Variants in ULK4 observed in about 807,000 individuals in gnomAD.
The protein encoded by ULK4 is inactive serine/threonine-protein kinase ULK4.
In ULK4, 133 loss-of-function variants were observed where a neutral mutation model predicts 160.6. The ratio of observed to expected loss-of-function variants is 0.83; its 90% CI spans 0.72 to 0.96. ULK4 has a LOEUF of 0.96. Ranked by LOEUF, ULK4 falls within the 40% of genes least tolerant of loss-of-function variation. ULK4 has a pLI of 0.00. For synonymous variants in ULK4, 534 were observed against 539.8 expected (o/e 0.99, Z 0.15); for missense variants, 1,580 against 1,499.5 (o/e 1.05, Z -0.89).
chr3:41,678,764 AT>A (rs2035821857), intron 29 of ULK4, among the ~76,000 whole-genome samples: 1 of 152,232 alleles, frequency 6.6e-6, no homozygotes, highest in Non-Finnish European at 1.5e-5. Flanking sequence ...CATCAAAAGT[AT>A]TGTTTAAGGT....
chr3:41,671,519 T>C (rs758065114), intron 29 of ULK4, among the ~76,000 whole-genome samples: 1 of 152,080 alleles, frequency 6.6e-6, no homozygotes, highest in Non-Finnish European at 1.5e-5. Context: ...TAAATGGTGC[T>C]GAGAAAACTG....
intron 17 of ULK4, among the ~76,000 whole-genome samples, chr3:41,839,425 T>C (rs1186995310): frequency 2.0e-5 from 3 of 149,042 alleles, no homozygotes; most frequent in Admixed American, 6.7e-5. Context: ...AATATATACA[T>C]ATAATATATA....
At chr3:41,280,918 T>C (rs2079339173) in intron 35 of ULK4, among the ~76,000 whole-genome samples, 1 of 151,644 alleles carries the variant, frequency 6.6e-6, no homozygotes, top group Non-Finnish European at 1.5e-5. Flanking sequence ...GCAAGACTAA[T>C]AAAGAAGAAA....
intron 32 of ULK4, among the ~76,000 whole-genome samples, chr3:41,474,372 G>A (rs1470286740): frequency 6.6e-6 from 1 of 152,094 alleles, no homozygotes; most frequent in Non-Finnish European, 1.5e-5. Flanking sequence ...ATGGATTAAA[G>A]ACTCAGACAT....
chr3:41,682,158 A>C (rs1208727314), intron 27 of ULK4, among the ~76,000 whole-genome samples: 2 of 152,202 alleles, frequency 1.3e-5, no homozygotes, highest in Non-Finnish European at 2.9e-5. Flanking sequence ...ATCAAGTTTA[A>C]CCTAAACAAC....
At chr3:41,664,535 T>TA (rs1351805116) in intron 29 of ULK4, among the ~76,000 whole-genome samples, 1 of 152,144 alleles carries the variant, frequency 6.6e-6, no homozygotes, top group African/African-American at 2.4e-5. Context: ...GATGGTCATG[T>TA]AGGCAACCTC....
At chr3:41,536,019 C>T (rs763584653) in intron 32 of ULK4, among the ~76,000 whole-genome samples, 2 of 152,198 alleles carry the variant, frequency 1.3e-5, no homozygotes, top group African/African-American at 2.4e-5. Flanking sequence ...CCCCCTCTTC[C>T]CCTGCAGTCT....
At chr3:41,482,312 T>C (rs971853174) in intron 32 of ULK4, among the ~76,000 whole-genome samples, 3 of 152,286 alleles carry the variant, frequency 2.0e-5, no homozygotes, top group Non-Finnish European at 4.4e-5. Context: ...GAAAATGGCA[T>C]CCTTCTGAGA....
Position 41,398,117 on chromosome 3 carries a change from T to C in ULK4, c.3640A>G (p.Lys1214Glu), listed in dbSNP as rs1399198893. The change falls in exon 35 of 37, where the codon AAG becomes GAG. Residue 1214 changes from lysine to glutamate, a missense_variant. By Grantham distance (56) the Lys-to-Glu change is moderately conservative. Transcript: ENST00000301831. ...AHLLTSKEDP[K>E]EQKLLLRILR... is the part of the protein sequence containing the mutation. ...ATCCTTAACAGAAGCTTCTGCTCCT[T>C]TGGGTCCTCCTTGGATGTCAGTAAA... 6.2e-7 allele frequency: 1 copy of C among 1,613,330 alleles called. No individual in the cohort carries two copies. The highest frequency in any genetic ancestry group is 1.7e-5 in the Admixed American group (1 of 59,892).
chr3:41,711,219 G>A (rs1023889144), intron 25 of ULK4, among the ~76,000 whole-genome samples: 4 of 152,194 alleles, frequency 2.6e-5, no homozygotes, highest in African/African-American at 9.7e-5. Flanking sequence ...AAAGGCCAAT[G>A]ACCCAGAAAT....
At chr3:41,490,570 T>C (rs1197650797) in intron 32 of ULK4, among the ~76,000 whole-genome samples, 1 of 152,222 alleles carries the variant, frequency 6.6e-6, no homozygotes, top group Non-Finnish European at 1.5e-5. Flanking sequence ...AATATCATCA[T>C]ATACTGCTTT....
At chr3:41,724,451 G>A (rs571969399) in intron 22 of ULK4, among the ~76,000 whole-genome samples, 6 of 152,158 alleles carry the variant, frequency 3.9e-5, no homozygotes, top group Non-Finnish European at 8.8e-5. Flanking sequence ...TCAGCCAGGC[G>A]CGGTGGCTCA....
intron 27 of ULK4, among the ~76,000 whole-genome samples, chr3:41,695,923 A>G (rs1055375410): frequency 2.0e-5 from 3 of 152,184 alleles, no homozygotes; most frequent in Admixed American, 6.5e-5. Flanking sequence ...GGACATAGTG[A>G]GAAGTGACCA....
intron 31 of ULK4, among the ~76,000 whole-genome samples, chr3:41,590,461 C>CAAAAAAAAAAAAAAAAA (rs71075479): frequency 3.5e-5 from 2 of 56,876 alleles, no homozygotes; most frequent in East Asian, 5.5e-4. Context: ...ACTAAAAATA[C>CAAAAAAAAAAAAAAAAA]AAAAAAAAAA....
intron 35 of ULK4, among the ~76,000 whole-genome samples, chr3:41,253,519 T>C (rs2125670084): frequency 6.6e-6 from 1 of 151,444 alleles, no homozygotes; most frequent in African/African-American, 2.4e-5. Context: ...AGAGATGTAA[T>C]TTAAAAAAAA....
chr3:41,531,052 G>A (rs1415233000), intron 32 of ULK4, among the ~76,000 whole-genome samples: 3 of 150,454 alleles, frequency 2.0e-5, no homozygotes, highest in Non-Finnish European at 4.4e-5. Flanking sequence ...ATGAGCCACC[G>A]CGCCCGGCCC....
chr3:41,356,819 A>G (rs953027460), intron 35 of ULK4, among the ~76,000 whole-genome samples: 1 of 152,174 alleles, frequency 6.6e-6, no homozygotes, highest in Non-Finnish European at 1.5e-5. Context: ...AAGGGAGAGA[A>G]AGGAGTGAAG....
intron 15 of ULK4, among the ~76,000 whole-genome samples, chr3:41,895,980 T>C (rs1698136716): frequency 6.6e-6 from 1 of 152,138 alleles, no homozygotes; most frequent in Non-Finnish European, 1.5e-5. Flanking sequence ...AATCGATGCT[T>C]AAACATGAGC....
intron 35 of ULK4, among the ~76,000 whole-genome samples, chr3:41,382,676 CT>C (rs1355941000): frequency 6.6e-6 from 1 of 152,100 alleles, no homozygotes; most frequent in Admixed American, 6.6e-5. Context: ...AGAGGTCGTA[CT>C]TTACATGATA....
Sources: gnomAD v4.1 joint callset for allele counts (sites outside exome capture counted in the v4.1 genomes callset) on GRCh38, gnomAD v4.1.1 for gene constraint, MANE v1.5 for transcripts, NCBI Gene and HGNC (gene_info 2026-07-23, HGNC 2026-07-21) for gene names.